Variants in MYOF observed in about 807,000 individuals in gnomAD.
MYOF encodes the protein myoferlin.
Under a neutral mutation model 284.2 loss-of-function variants are expected in MYOF, and 244 were observed. That is an observed-to-expected ratio of 0.86 (90% confidence interval 0.77 to 0.95). The LOEUF (loss-of-function observed/expected upper bound fraction) is 0.95, where lower values mean the gene tolerates loss of function less well. MYOF is among the 40% of genes least tolerant of loss of function. MYOF has a pLI of 0.00. For synonymous variants in MYOF, 904 were observed against 919.7 expected (o/e 0.98, Z 0.31); for missense variants, 2,496 against 2,560.6 (o/e 0.97, Z 0.54).
intron 1 of MYOF, among the ~76,000 whole-genome samples, chr10:93,461,239 A>G (rs2056874695): frequency 2.0e-5 from 3 of 152,244 alleles, no homozygotes; most frequent in Admixed American, 2.0e-4. Flanking sequence ...CTCACAGCTC[A>G]GCCCACAGAA....
At position 93,381,611 on chromosome 10, in the gene MYOF, G is replaced by C. The variant is rs147336305; in HGVS notation, c.1699-215C>G. Among the ~76,000 whole-genome samples, 298 of 152,184 alleles carry C rather than the reference G, an allele frequency of 2.0e-3. 1 individual carries two copies. The highest frequency in any genetic ancestry group is 6.8e-3 in the African/African-American group (284 of 41,526). ...CCTGGCAGCATTGATTGAAATGGAG[G>C]GGAAGAAATGAAAACAGTACACAAG... On this transcript the variant is annotated intron_variant, in intron 19 of 53. Coordinates refer to ENST00000359263, the MANE Select transcript of MYOF (RefSeq NM_013451.4).
chr10:93,371,628 A>G (rs1181687548), intron 24 of MYOF, among the ~76,000 whole-genome samples: 1 of 152,246 alleles, frequency 6.6e-6, no homozygotes, highest in Admixed American at 6.5e-5. Context: ...TTATTGTTAC[A>G]GTTAAATCAA....
chr10:93,356,880 G>A (rs554996317), intron 29 of MYOF, 32 bp from the exon 30 acceptor site: 16 of 1,549,494 alleles, frequency 1.0e-5, no homozygotes, highest in African/African-American at 4.5e-5. Context: ...TAATGATGAC[G>A]ATGATGATGA....
chr10:93,479,871 A>G (rs989528302), intron 1 of MYOF, among the ~76,000 whole-genome samples: 1 of 152,234 alleles, frequency 6.6e-6, no homozygotes, highest in African/African-American at 2.4e-5. Flanking sequence ...TGTATAGACT[A>G]TATTTGCCAA....
Position 93,401,484 on chromosome 10 carries a change from C to G in MYOF, c.1051G>C (p.Ala351Pro). 1 of 1,614,120 alleles carries G rather than the reference C, an allele frequency of 6.2e-7. No individual in the cohort carries two copies. The highest frequency in any genetic ancestry group is 8.5e-7 in the Non-Finnish European group (1 of 1,179,980). The part of the protein sequence containing the change: ...DDVESNLLLP[A>P]GIALRWVTFL... ...GTCACCCACCGGAGGGCAATGCCAG[C>G]AGGGAGTAACAAATTACTCTCCACA... The change falls in exon 12 of 54, where the codon GCT becomes CCT. Residue 351 changes from alanine (A) to proline (P), a missense_variant. Transcript: ENST00000359263.
intron 32 of MYOF, among the ~76,000 whole-genome samples, chr10:93,353,016 C>T (rs1185632615): frequency 6.6e-6 from 1 of 152,164 alleles, no homozygotes; most frequent in Admixed American, 6.5e-5. Context: ...AATGCTTTAA[C>T]AAACTTTCCG....
chr10:93,339,495 C>T (rs986342327), intron 39 of MYOF, among the ~76,000 whole-genome samples: 2 of 151,854 alleles, frequency 1.3e-5, no homozygotes, highest in South Asian at 2.1e-4. Flanking sequence ...GACAGAGTCT[C>T]GCTCTGTTGC....
chr10:93,355,700 G>T lies in MYOF; in HGVS notation c.3331C>A (p.Leu1111Met). The T allele has an allele frequency of 6.2e-7, 1 of 1,613,262 alleles. No homozygotes were observed. Among genetic ancestry groups the T allele is most frequent in the Non-Finnish European group, 8.5e-7 (1 of 1,179,426 alleles). The change falls in exon 31 of 54, where the codon CTG becomes ATG. Residue 1111 changes from leucine to methionine, a missense_variant. Leu to Met is a conservative substitution (Grantham distance 15). Coordinates refer to ENST00000359263, the MANE Select transcript of MYOF (RefSeq NM_013451.4). ...GTGGCACTGTGCTTCTGTTTCTCCAGGCTCTTCTCATCCCCATCTTCGGTA... is the reference window on the plus strand; with the variant it reads ...GTGGCACTGTGCTTCTGTTTCTCCATGCTCTTCTCATCCCCATCTTCGGTA... ...DTTEDGDEKS[L>M]EKQKHSATTV...
chr10:93,480,545 G>A (rs1370507023), intron 1 of MYOF, among the ~76,000 whole-genome samples: 4 of 134,792 alleles, frequency 3.0e-5, no homozygotes, highest in African/African-American at 5.7e-5. Context: ...GCATGATCTC[G>A]GCTCACTGCA....
At chr10:93,389,293 C>T in intron 17 of MYOF, 139 bp from the exon 18 acceptor site, 2 of 916,178 alleles carry the variant, frequency 2.2e-6, no homozygotes, top group Non-Finnish European at 3.0e-6. Context: ...TTGTAAGCAC[C>T]ATGAGGTTTG....
chr10:93,338,618 A>C (rs545005550), intron 39 of MYOF: 7 of 428,016 alleles, frequency 1.6e-5, no homozygotes, highest in Admixed American at 2.5e-5. Flanking sequence ...AACGAAAGGC[A>C]GGAGGCATCA....
chr10:93,427,122 G>T lies in MYOF; in HGVS notation c.346-964C>A, dbSNP rs1428505507. Among the ~76,000 whole-genome samples, 2 of 151,028 alleles carry T rather than the reference G, an allele frequency of 1.3e-5. 1 individual carries two copies. The highest frequency in any genetic ancestry group is 3.0e-5 in the Non-Finnish European group (2 of 67,762). ...AGGCTGGTTTCGATCTCCTGACCAC[G>T]TGATCTGCCCACCTCAGCCTCCCAA... is the stretch of plus-strand genomic sequence containing the variant. On this transcript the variant is annotated intron_variant, in intron 4 of 53. Coordinates refer to ENST00000359263, the MANE Select transcript of MYOF (RefSeq NM_013451.4).
intron 53 of MYOF, 45 bp from the exon 54 acceptor site, chr10:93,307,046 T>C (rs1564603606): frequency 3.3e-6 from 5 of 1,520,372 alleles, no homozygotes; most frequent in Non-Finnish European, 4.5e-6. Context: ...TGTATGTATA[T>C]ATGTTTTTCA....
At chr10:93,451,489 A>G (rs1343434629) in intron 3 of MYOF, among the ~76,000 whole-genome samples, 4 of 152,102 alleles carry the variant, frequency 2.6e-5, no homozygotes, top group South Asian at 2.1e-4. Flanking sequence ...AAGTCTCCCA[A>G]TTTTACTCAG....
chr10:93,374,624 C>T (rs762097009), intron 23 of MYOF, 139 bp downstream of exon 23: 49 of 827,996 alleles, frequency 5.9e-5, no homozygotes, highest in Non-Finnish European at 7.8e-5. Context: ...CAGTTACTCC[C>T]TGATTTTTAC....
intron 2 of MYOF, 100 bp downstream of exon 2, chr10:93,456,782 G>T: frequency 1.2e-6 from 1 of 860,728 alleles, no homozygotes; most frequent in Non-Finnish European, 1.9e-6. Flanking sequence ...GAAATGTAGA[G>T]ATTCTCCTTC....
chr10:93,403,922 A>T (rs906205530), intron 9 of MYOF, 101 bp downstream of exon 9: 9 of 1,296,032 alleles, frequency 6.9e-6, no homozygotes, highest in Non-Finnish European at 1.0e-5. Flanking sequence ...ACCCTTACAC[A>T]TTCCCAAGAT....
chr10:93,445,356 G>T (rs1431103901), intron 3 of MYOF, among the ~76,000 whole-genome samples: 1 of 152,222 alleles, frequency 6.6e-6, no homozygotes, highest in African/African-American at 2.4e-5. Context: ...AATGCAAAGG[G>T]CTGGGCACAG....
At position 93,359,990 on chromosome 10, in the gene MYOF, T is replaced by A; in HGVS notation, c.2975-12A>T. 6.2e-7 allele frequency: 1 copy of A among 1,613,994 alleles called. No individual in the cohort carries two copies. The highest frequency in any genetic ancestry group is 1.7e-4 in the Middle Eastern group (1 of 6,060). ...TCCATATTCCCAGCCTGGAACAGAG[T>A]TTGTGAATGGTTACCCAGAAGAGAT... On this transcript the variant is annotated splice_polypyrimidine_tract_variant and intron_variant, in intron 28 of 53. Coordinates refer to ENST00000359263, the MANE Select transcript of MYOF (RefSeq NM_013451.4).
Sources: gnomAD v4.1 joint callset for allele counts (sites outside exome capture counted in the v4.1 genomes callset) on GRCh38, gnomAD v4.1.1 for gene constraint, MANE v1.5 for transcripts, NCBI Gene and HGNC (gene_info 2026-07-23, HGNC 2026-07-21) for gene names.